Variants in GRID1 observed in about 807,000 individuals in gnomAD.
GRID1 encodes glutamate receptor ionotropic, delta-1.
Under a neutral mutation model 98.0 loss-of-function variants are expected in GRID1, and 28 were observed. The observed-to-expected ratio is 0.29, with a 90% CI of 0.21 to 0.39. The LOEUF (loss-of-function observed/expected upper bound fraction) is 0.39. Ranked by LOEUF, GRID1 falls within the 10% of genes least tolerant of loss-of-function variation. GRID1 has a pLI of 1.00. For missense variants in GRID1, 1,111 were observed against 1,340.5 expected (o/e 0.83, Z 2.67); for synonymous variants, 553 against 538.5 (o/e 1.03, Z -0.37).
intron 3 of GRID1, among the ~76,000 whole-genome samples, chr10:86,184,343 AT>A (rs1589402239): frequency 6.6e-6 from 1 of 151,102 alleles, no homozygotes; most frequent in African/African-American, 2.4e-5. Context: ...GGTCACAATG[AT>A]TTTCCACTGT....
chr10:86,296,531 G>T (rs967498733), intron 2 of GRID1, among the ~76,000 whole-genome samples: 1 of 152,084 alleles, frequency 6.6e-6, no homozygotes, highest in Non-Finnish European at 1.5e-5. Context: ...TTGAGATCAG[G>T]AGTTCAAGAC....
intron 2 of GRID1, among the ~76,000 whole-genome samples, chr10:86,360,578 T>TA (rs1389945911): frequency 6.6e-6 from 1 of 152,152 alleles, no homozygotes; most frequent in Non-Finnish European, 1.5e-5. Context: ...TTCACTAGCT[T>TA]AAAAAAATAA....
chr10:85,740,473 A>G (rs1245350599), intron 8 of GRID1, among the ~76,000 whole-genome samples: 1 of 152,146 alleles, frequency 6.6e-6, no homozygotes, highest in Non-Finnish European at 1.5e-5. Flanking sequence ...CAATTCTATG[A>G]GTTCTTACAT....
intron 13 of GRID1, 68 bp downstream of exon 13, chr10:85,647,134 C>G: frequency 7.7e-7 from 1 of 1,295,930 alleles, no homozygotes; most frequent in Non-Finnish European, 1.1e-6. Context: ...GAGGTGTCTC[C>G]CACCTGGGGG....
At chr10:85,748,061 G>A (rs967372240) in intron 8 of GRID1, among the ~76,000 whole-genome samples, 2 of 152,180 alleles carry the variant, frequency 1.3e-5, no homozygotes, top group Non-Finnish European at 2.9e-5. Flanking sequence ...AGGGAAATGA[G>A]TCATAGGAGT....
intron 2 of GRID1, among the ~76,000 whole-genome samples, chr10:86,284,067 C>A (rs1248003587): frequency 6.6e-6 from 1 of 150,722 alleles, no homozygotes; most frequent in Admixed American, 6.6e-5. Context: ...CATATACATA[C>A]CTGCCCTCAC....
At chr10:85,781,241 G>C (rs1842378275) in intron 8 of GRID1, among the ~76,000 whole-genome samples, 1 of 152,158 alleles carries the variant, frequency 6.6e-6, no homozygotes, top group Non-Finnish European at 1.5e-5. Context: ...TCAAATTAAG[G>C]ATAATTTTTC....
At chr10:86,082,792 A>G (rs1241532876) in intron 4 of GRID1, among the ~76,000 whole-genome samples, 1 of 152,108 alleles carries the variant, frequency 6.6e-6, no homozygotes, top group Non-Finnish European at 1.5e-5. Context: ...GCACCTGTGT[A>G]CAGATTGTCC....
intron 3 of GRID1, among the ~76,000 whole-genome samples, chr10:86,202,446 G>A (rs1025952568): frequency 6.6e-6 from 1 of 152,248 alleles, no homozygotes; most frequent in Non-Finnish European, 1.5e-5. Context: ...CCCTGCCAAT[G>A]CATACACACA....
chr10:85,602,509 G>A lies in GRID1; in HGVS notation c.2794C>T (p.Pro932Ser), dbSNP rs1842594752. The change falls in exon 16 of 16, where the codon CCA (proline) becomes TCA (serine). Residue 932 changes from proline to serine, a missense_variant. Physicochemically the swap from Pro to Ser is moderately conservative, Grantham distance 74. Transcript: ENST00000327946. Reference sequence around the variant, plus strand: ...CTGGTGCCATGGCTGCTCTGCTCTGGCAGAAAGGTGCTGACCGAGAGCTGG... The same window carrying A: ...CTGGTGCCATGGCTGCTCTGCTCTGACAGAAAGGTGCTGACCGAGAGCTGG... ...NTQLSVSTFLPEQSSHGTSRT... is the reference protein window; with the variant it reads ...NTQLSVSTFLSEQSSHGTSRT... The A allele has an allele frequency of 6.2e-7, 1 of 1,614,070 alleles. No homozygotes were observed. Among genetic ancestry groups the A allele is most frequent in the African/African-American group, 1.3e-5 (1 of 74,946 alleles).
intron 8 of GRID1, among the ~76,000 whole-genome samples, chr10:85,751,036 A>C (rs1010960654): frequency 7.2e-5 from 11 of 152,198 alleles, no homozygotes; most frequent in African/African-American, 2.7e-4. Flanking sequence ...ATAGAAATAG[A>C]ATGTGTTGGA....
chr10:85,773,862 C>G (rs377040501), intron 8 of GRID1, among the ~76,000 whole-genome samples: 3 of 152,060 alleles, frequency 2.0e-5, no homozygotes, highest in Non-Finnish European at 2.9e-5. Flanking sequence ...ATGCTCATGG[C>G]TAGGAAGAAT....
At chr10:86,305,515 G>A (rs1350199444) in intron 2 of GRID1, among the ~76,000 whole-genome samples, 1 of 152,184 alleles carries the variant, frequency 6.6e-6, no homozygotes, top group East Asian at 1.9e-4. Context: ...GGTCCCTCAT[G>A]CCTGGGAAGC....
At chr10:85,780,435 C>A (rs1842371631) in intron 8 of GRID1, among the ~76,000 whole-genome samples, 1 of 152,200 alleles carries the variant, frequency 6.6e-6, no homozygotes, top group African/African-American at 2.4e-5. Context: ...AGCCCTGTTT[C>A]TCATCCTGCA....
At chr10:86,318,162 C>T (rs1484932734) in intron 2 of GRID1, among the ~76,000 whole-genome samples, 1 of 152,218 alleles carries the variant, frequency 6.6e-6, no homozygotes, top group African/African-American at 2.4e-5. Context: ...ATGAGAAAGG[C>T]CAAGGCCCCC....
intron 2 of GRID1, among the ~76,000 whole-genome samples, chr10:86,333,746 G>T (rs1308098368): frequency 6.6e-6 from 1 of 152,094 alleles, no homozygotes. Context: ...TAAGGAAGAG[G>T]GAAAGTATAT....
chr10:85,772,798 C>T (rs1468876017), intron 8 of GRID1, among the ~76,000 whole-genome samples: 1 of 152,124 alleles, frequency 6.6e-6, no homozygotes, highest in Non-Finnish European at 1.5e-5. Flanking sequence ...CTGAATAGAC[C>T]AATAGCAGGC....
intron 14 of GRID1, among the ~76,000 whole-genome samples, chr10:85,617,216 T>C (rs963944683): frequency 1.8e-4 from 27 of 148,922 alleles, no homozygotes; most frequent in Non-Finnish European, 3.3e-4. Context: ...GCATGCACCA[T>C]ACAACAAAGC....
At chr10:85,819,363 C>T (rs902145287) in intron 8 of GRID1, among the ~76,000 whole-genome samples, 4 of 152,088 alleles carry the variant, frequency 2.6e-5, no homozygotes, top group South Asian at 4.1e-4. Context: ...TTTGTTACTC[C>T]CCACACCAAG....
Sources: gnomAD v4.1 joint callset for allele counts (sites outside exome capture counted in the v4.1 genomes callset) on GRCh38, gnomAD v4.1.1 for gene constraint, MANE v1.5 for transcripts, NCBI Gene and HGNC (gene_info 2026-07-23, HGNC 2026-07-21) for gene names.